The following DIPK1A variants were observed in gnomAD, a reference collection of about 807,000 sequenced individuals.
DIPK1A encodes family with sequence similarity 69 member A.
DIPK1A carries 27 observed loss-of-function variants against 40.8 expected under a neutral mutation model. That is an observed-to-expected ratio of 0.66 (90% CI 0.49 to 0.91). The LOEUF is 0.91. DIPK1A is among the 40% of genes least tolerant of loss of function. The pLI is 0.00. For missense variants in DIPK1A, 412 were observed against 505.7 expected, an observed-to-expected ratio of 0.81 and a Z score of 1.78; for synonymous variants, 166 against 171.3, an observed-to-expected ratio of 0.97 and a Z score of 0.24.
chr1:92,930,551 T>C (rs928548066), intron 1 of DIPK1A: 1 of 152,254 alleles, frequency 6.6e-6, no homozygotes, highest in Non-Finnish European at 1.5e-5. Flanking sequence ...GCCTTCAGGA[T>C]ATAGAACCAA....
At chr1:92,940,085 G>T (rs1418709743) in intron 1 of DIPK1A, among the ~76,000 whole-genome samples, 1 of 152,196 alleles carries the variant, frequency 6.6e-6, no homozygotes, top group East Asian at 1.9e-4. Context: ...GACTGGGACA[G>T]CATCATCAAG....
chr1:92,950,786 C>A (rs1651599572), intron 1 of DIPK1A, among the ~76,000 whole-genome samples: 1 of 152,156 alleles, frequency 6.6e-6, no homozygotes, highest in Non-Finnish European at 1.5e-5. Flanking sequence ...CAGCTATTTT[C>A]ATTTTCCTTC....
chr1:92,950,611 G>A (rs188804837), intron 1 of DIPK1A, among the ~76,000 whole-genome samples: 22 of 152,332 alleles, frequency 1.4e-4, no homozygotes, highest in Admixed American at 1.2e-3. Context: ...AGTTATTTGG[G>A]AGGCGGGAGG....
In DIPK1A at chr1:92,842,200, T is replaced by G; in HGVS notation, c.*1183A>C. On this transcript the variant is annotated 3_prime_UTR_variant, in exon 5 of 5. Coordinates refer to ENST00000370310, the MANE Select transcript of DIPK1A (RefSeq NM_001006605.5). ...CCATCCATTTATTATAACCAGATGATGAATGGGAAAAGTACCTTAAAGTAA... is the reference window on the plus strand; with the variant it reads ...CCATCCATTTATTATAACCAGATGAGGAATGGGAAAAGTACCTTAAAGTAA... 4 of 1,008,572 alleles carry G rather than the reference T, an allele frequency of 4.0e-6. No homozygotes were observed. The highest frequency in any genetic ancestry group is 4.7e-6 in the Non-Finnish European group (4 of 844,642). The allele number at this position is 1,008,572 out of a possible 1,614,324, so 62.5% of individuals were successfully genotyped here. A position where few individuals can be genotyped will look rare whatever the true frequency, so the allele number is the denominator to read the frequency against.
chr1:92,832,743 T>C (rs997211344), exon 5 of DIPK1A: 1 of 448,870 alleles, frequency 2.2e-6, no homozygotes, highest in African/African-American at 2.0e-5. Flanking sequence ...TTTTAATTAT[T>C]GGGGTAGGGC....
chr1:92,933,503 A>C (rs12069727), intron 1 of DIPK1A: 53,119 of 152,012 alleles, frequency 0.35, 9,732 homozygotes, highest in African/African-American at 0.38. Flanking sequence ...GTTTGAGACC[A>C]GCCTGGGCAA....
At position 92,833,814 on chromosome 1, in the gene DIPK1A, C is replaced by CT. The variant is rs1162380977; in HGVS notation, c.475-781dup. ...CTTTTAGTAGGTCTAGAATTGGAAC[C>CT]TGGGAACTTGGTACTTTAAAAAATG... On this transcript the variant is annotated intron_variant, in intron 4 of 4. Coordinates refer to the DIPK1A transcript ENST00000615519. The CT allele has an allele frequency of 7.7e-6, 5 of 646,474 alleles. No individual in the cohort carries two copies. The East Asian group carries it at 1.4e-4, about 18-fold the overall frequency. 40.0% of individuals were successfully genotyped at this position (646,474 alleles called of 1,614,324 possible). A position where few individuals can be genotyped will look rare whatever the true frequency, so the allele number is the denominator to read the frequency against.
intron 1 of DIPK1A, among the ~76,000 whole-genome samples, chr1:92,928,334 T>G (rs1334474476): frequency 6.6e-6 from 1 of 152,246 alleles, no homozygotes; most frequent in Non-Finnish European, 1.5e-5. Flanking sequence ...ATTCTATTTA[T>G]CCCAATCCTT....
At chr1:92,887,249 T>C (rs1369740922) in intron 1 of DIPK1A, among the ~76,000 whole-genome samples, 5 of 109,992 alleles carry the variant, frequency 4.5e-5, no homozygotes, top group Non-Finnish European at 8.8e-5. Flanking sequence ...AGACCCCATC[T>C]CTACTAAAAA....
chr1:92,906,754 CTT>C (rs1649640482), intron 1 of DIPK1A, among the ~76,000 whole-genome samples: 1 of 152,076 alleles, frequency 6.6e-6, no homozygotes, highest in Admixed American at 6.6e-5. Context: ...TACTCTTGCT[CTT>C]TTCACGATGC....
chr1:92,916,109 G>A (rs936907436), intron 1 of DIPK1A, among the ~76,000 whole-genome samples: 3 of 152,060 alleles, frequency 2.0e-5, no homozygotes, highest in African/African-American at 7.2e-5. Context: ...CAGAGGCTGG[G>A]GGAGGGAGCA....
downstream of DIPK1A, chr1:92,837,834 T>G: frequency 1.7e-6 from 1 of 588,574 alleles, no homozygotes; most frequent in East Asian, 2.9e-5. Flanking sequence ...CCTTTTATGC[T>G]TTGGCTGTTC....
intron 1 of DIPK1A, among the ~76,000 whole-genome samples, chr1:92,887,818 G>C (rs1442918963): frequency 6.6e-6 from 1 of 152,106 alleles, no homozygotes; most frequent in African/African-American, 2.4e-5. Flanking sequence ...GGATAAGCAA[G>C]GCCATACTAG....
chr1:92,837,223 G>GGT (rs1467860158), downstream of DIPK1A: 4 of 697,778 alleles, frequency 5.7e-6, no homozygotes, highest in Admixed American at 7.3e-5. Context: ...GGAAAGCCTT[G>GGT]GTAATGGCTT....
chr1:92,952,631 A>G (rs754192944), intron 1 of DIPK1A, among the ~76,000 whole-genome samples: 126 of 152,222 alleles, frequency 8.3e-4, no homozygotes, highest in Non-Finnish European at 1.0e-3. Flanking sequence ...GCCTGAAAAA[A>G]ACACTACAGT....
rs370923662 is a variant in DIPK1A at position 92,900,401 on chromosome 1, C to T, written c.55-23971G>A. On this transcript the variant is annotated intron_variant, in intron 1 of 4. Coordinates refer to ENST00000370310, the MANE Select transcript of DIPK1A (RefSeq NM_001006605.5). ...TGATCAAGACTGGTGTTGAAACTCT[C>T]TAACATATTTATTTCATTCATTGAC... is the stretch of plus-strand genomic sequence containing the variant. Among the ~76,000 whole-genome samples, 21 of 152,114 alleles carry T rather than the reference C, an allele frequency of 1.4e-4. No homozygotes were observed. In the East Asian group the frequency reaches 2.9e-3, roughly 21 times the overall value.
In DIPK1A at chr1:92,843,677, A is replaced by G; in HGVS notation, c.993T>C (p.Cys331=). ...NLKELIKDRH[C]ESDLDCVYGT... is the part of the protein sequence containing the mutation. Reference sequence around the variant, plus strand: ...CATAGACACAGTCCAAATCAGACTCACAGTGACGATCCTTAATAAGTTCTT... The same window carrying G: ...CATAGACACAGTCCAAATCAGACTCGCAGTGACGATCCTTAATAAGTTCTT... Residue 331 remains cysteine (C), a synonymous_variant, in exon 5 of 5, where the codon TGT becomes TGC. Transcript: ENST00000370310. 6.4e-7 allele frequency: 1 copy of G among 1,551,702 alleles called. No homozygotes were observed. Among genetic ancestry groups the G allele is most frequent in the Admixed American group, 2.0e-5 (1 of 51,012 alleles).
At chr1:92,876,272 A>G in intron 2 of DIPK1A, 24 bp downstream of exon 2, 1 of 1,435,830 alleles carries the variant, frequency 7.0e-7, no homozygotes, top group Non-Finnish European at 9.4e-7. Context: ...GCTTTTTAGT[A>G]AACAGGAAAT....
intron 1 of DIPK1A, among the ~76,000 whole-genome samples, chr1:92,957,925 T>C (rs1246383932): frequency 1.3e-5 from 2 of 152,232 alleles, no homozygotes; most frequent in Non-Finnish European, 2.9e-5. Context: ...ATCTATCTTT[T>C]TGTCTTTATA....
Sources: gnomAD v4.1 joint callset for allele counts (sites outside exome capture counted in the v4.1 genomes callset) on GRCh38, gnomAD v4.1.1 for gene constraint, MANE v1.5 for transcripts, NCBI Gene and HGNC (gene_info 2026-07-23, HGNC 2026-07-21) for gene names.